The following ETS1 variants were observed in gnomAD, a reference collection of about 807,000 sequenced individuals.
ETS1 encodes the protein protein C-ets-1.
ETS1 carries 15 observed loss-of-function variants against 58.6 expected under a neutral mutation model. That is an observed-to-expected ratio of 0.26 (90% confidence interval 0.17 to 0.39). The LOEUF (loss-of-function observed/expected upper bound fraction) is 0.39, where lower values mean the gene tolerates loss of function less well. ETS1 is among the 10% of genes least tolerant of loss of function. The pLI is 1.00. For missense variants in ETS1, 417 were observed against 610.5 expected (o/e 0.68, Z 3.34); for synonymous variants, 214 against 218.2 (o/e 0.98, Z 0.17).
At chr11:128,550,738 A>G (rs1864216029) in intron 3 of ETS1, among the ~76,000 whole-genome samples, 1 of 152,226 alleles carries the variant, frequency 6.6e-6, no homozygotes, top group African/African-American at 2.4e-5. Context: ...ATCCAGGCAG[A>G]ATCCAAAAAG....
chr11:128,501,766 T>C (rs1242313821), intron 3 of ETS1, among the ~76,000 whole-genome samples: 2 of 152,228 alleles, frequency 1.3e-5, no homozygotes, highest in South Asian at 4.1e-4. Context: ...TTTACTATCA[T>C]TAGATCCACA....
chr11:128,513,667 G>A (rs924615229), intron 3 of ETS1, among the ~76,000 whole-genome samples: 1 of 152,188 alleles, frequency 6.6e-6, no homozygotes, highest in Admixed American at 6.5e-5. Flanking sequence ...TCAAATAGGA[G>A]AAATGTGTAG....
intron 2 of ETS1, among the ~76,000 whole-genome samples, chr11:128,558,213 A>G (rs528726556): frequency 3.9e-5 from 6 of 152,216 alleles, no homozygotes; most frequent in Non-Finnish European, 8.8e-5. Context: ...ATCGAAGGCT[A>G]ACATCCTTAG....
intron 1 of ETS1, among the ~76,000 whole-genome samples, chr11:128,578,496 TC>T (rs1864797658): frequency 6.6e-6 from 1 of 152,154 alleles, no homozygotes; most frequent in Admixed American, 6.5e-5. Flanking sequence ...AAAACAAAAT[TC>T]TTTTGAAATC....
intron 2 of ETS1, among the ~76,000 whole-genome samples, chr11:128,559,985 C>A (rs1245087572): frequency 6.6e-6 from 1 of 152,182 alleles, no homozygotes; most frequent in Non-Finnish European, 1.5e-5. Flanking sequence ...CCCATCTCTG[C>A]CACATGTTTA....
chr11:128,550,710 C>T (rs1179302738), intron 3 of ETS1, among the ~76,000 whole-genome samples: 1 of 152,192 alleles, frequency 6.6e-6, no homozygotes. Flanking sequence ...CAGCTTGCTC[C>T]TCCCAAACAG....
intron 5 of ETS1, among the ~76,000 whole-genome samples, chr11:128,487,878 A>C (rs1156334180): frequency 7.4e-6 from 1 of 135,694 alleles, no homozygotes; most frequent in Non-Finnish European, 1.6e-5. Context: ...ACTTGTCCTT[A>C]CTATCTCACA....
intron 5 of ETS1, among the ~76,000 whole-genome samples, chr11:128,486,451 G>A (rs775391481): frequency 4.6e-5 from 7 of 152,278 alleles, no homozygotes; most frequent in East Asian, 1.9e-4. Flanking sequence ...CAATGCATTC[G>A]TGCTGCGTGT....
At chr11:128,585,056 G>GA (rs1453421481) in intron 1 of ETS1, among the ~76,000 whole-genome samples, 5 of 20,028 alleles carry the variant, frequency 2.5e-4, no homozygotes, top group African/African-American at 2.4e-3. Context: ...AAGAAAGAAA[G>GA]AAAGAAAGAA....
intron 3 of ETS1, among the ~76,000 whole-genome samples, chr11:128,506,327 A>G (rs542092012): frequency 6.6e-6 from 1 of 152,360 alleles, no homozygotes; most frequent in East Asian, 1.9e-4. Context: ...AGAGAGAAAG[A>G]GCTACTGGCC....
At chr11:128,558,492 A>G (rs1265002253) in intron 2 of ETS1, among the ~76,000 whole-genome samples, 69 of 152,108 alleles carry the variant, frequency 4.5e-4, no homozygotes, top group Non-Finnish European at 2.9e-5. Flanking sequence ...TAAAAATACA[A>G]AAATTAGCCA....
intron 6 of ETS1, 59 bp downstream of exon 6, chr11:128,486,010 T>C (rs1299429039): frequency 1.0e-6 from 1 of 980,794 alleles, no homozygotes; most frequent in African/African-American, 1.6e-5. Flanking sequence ...TTCACTGAGA[T>C]AGGGGTCTTT....
At chr11:128,558,582 T>G (rs2135559969) in intron 2 of ETS1, among the ~76,000 whole-genome samples, 1 of 146,924 alleles carries the variant, frequency 6.8e-6, no homozygotes, top group East Asian at 2.0e-4. Context: ...GAGGTGGAGT[T>G]TGCAGTGAGC....
chr11:128,540,320 CA>C lies in ETS1; in HGVS notation c.214+15970del, dbSNP rs112191021. On this transcript the variant is annotated intron_variant, in intron 3 of 9. Transcript: ENST00000392668. Reference sequence around the variant, plus strand: ...GGGCAACAAGAGAGAAATTCCATCTCAAAAAAAAAAAAAAAAAAGAAGAAGA... The same window carrying C: ...GGGCAACAAGAGAGAAATTCCATCTCAAAAAAAAAAAAAAAAAGAAGAAGA... Among the ~76,000 whole-genome samples, 198 of 83,934 alleles carry C rather than the reference CA, an allele frequency of 2.4e-3. 2 individuals carry two copies. The highest frequency in any genetic ancestry group is 5.3e-3 in the Admixed American group (41 of 7,808). The allele number at this position is 83,934 out of a possible 152,430, so 55.1% of individuals were successfully genotyped here.
At chr11:128,580,277 C>G (rs1167050068) in intron 1 of ETS1, among the ~76,000 whole-genome samples, 1 of 150,250 alleles carries the variant, frequency 6.7e-6, no homozygotes, top group Admixed American at 6.6e-5. Context: ...CAAGATGGCA[C>G]TTTTCTCTAA....
chr11:128,573,269 C>T, intron 1 of ETS1, 125 bp from the exon 2 acceptor site: 1 of 656,866 alleles, frequency 1.5e-6, no homozygotes. Flanking sequence ...CACTTCTTTG[C>T]ATGGCAGGGA....
chr11:128,564,835 C>T (rs940869065), intron 2 of ETS1, among the ~76,000 whole-genome samples: 3 of 151,956 alleles, frequency 2.0e-5, no homozygotes, highest in Non-Finnish European at 4.4e-5. Flanking sequence ...TGGTTATGGA[C>T]ACGGTTGGTG....
intron 3 of ETS1, among the ~76,000 whole-genome samples, chr11:128,502,459 G>C (rs143891039): frequency 6.6e-6 from 1 of 152,312 alleles, no homozygotes; most frequent in Non-Finnish European, 1.5e-5. Context: ...TATGGTTTCT[G>C]AAACAACAGT....
chr11:128,580,307 T>G (rs1864840834), intron 1 of ETS1, among the ~76,000 whole-genome samples: 1 of 152,082 alleles, frequency 6.6e-6, no homozygotes, highest in African/African-American at 2.4e-5. Context: ...TGTACCAGAT[T>G]GATGAGTTCA....
Sources: allele counts gnomAD v4.1 joint callset (sites outside exome capture counted in the v4.1 genomes callset), GRCh38; gene constraint gnomAD v4.1.1; transcripts MANE v1.5; gene names NCBI Gene and HGNC (gene_info 2026-07-23, HGNC 2026-07-21).